The following FTO variants were observed in gnomAD, a reference collection of about 807,000 sequenced individuals.
The protein encoded by FTO is alpha-ketoglutarate-dependent dioxygenase FTO.
In FTO, 47 loss-of-function variants were observed where a neutral mutation model predicts 63.9. The ratio of observed to expected loss-of-function variants is 0.74; its 90% CI spans 0.58 to 0.94. The LOEUF is 0.94. Among genes scored for constraint, FTO ranks in the 40% least tolerant of loss-of-function variants. The probability of loss-of-function intolerance (pLI) is 0.00; values close to 1 mark genes in which losing one functional copy is unlikely to be tolerated. For synonymous variants in FTO, 207 were observed against 224.4 expected, an observed-to-expected ratio of 0.92 and a Z score of 0.69; for missense variants, 562 against 618.1, an observed-to-expected ratio of 0.91 and a Z score of 0.96.
chr16:53,873,789 A>C lies in FTO; in HGVS notation c.899A>C (p.Asp300Ala). Residue 300 changes from aspartate to alanine, a missense_variant, in exon 5 of 9, where the codon GAT becomes GCT. Asp to Ala is a moderately radical substitution (Grantham distance 126). Transcript: ENST00000471389. The part of the protein sequence containing the change: ...HQGDCYFMLD[D>A]LNATHQHCVL... ...ATTTCTGGTGTTTTTCCTGTAGATG[A>C]TCTCAATGCCACCCACCAACACTGT... 6.2e-7 allele frequency: 1 copy of C among 1,612,634 alleles called. No individual in the cohort carries two copies. The highest frequency in any genetic ancestry group is 2.2e-5 in the East Asian group (1 of 44,838).
chr16:54,088,512 A>G (rs1209983090), intron 8 of FTO, among the ~76,000 whole-genome samples: 1 of 152,224 alleles, frequency 6.6e-6, no homozygotes, highest in Non-Finnish European at 1.5e-5. Flanking sequence ...TGACCTGATC[A>G]TTCAAAACAC....
At position 54,015,561 on chromosome 16, in the gene FTO, C is replaced by T. The variant is rs746149463; in HGVS notation, c.1364+81452C>T. The stretch of plus-strand genomic sequence containing the variant: ...CATGGCAAAAGGAAATAAGACGAGT[C>T]GTTTTAAAAGGTAGCTTTGAAAAAC... On this transcript the variant is annotated intron_variant, in intron 8 of 8. Coordinates refer to ENST00000471389, the MANE Select transcript of FTO (RefSeq NM_001080432.3). Among the ~76,000 whole-genome samples the T allele has an allele frequency of 3.9e-5, 6 of 152,140 alleles. No homozygotes were observed. In the South Asian group the frequency reaches 8.3e-4, roughly 21 times the overall value.
At chr16:54,098,854 A>G (rs1567570726) in intron 8 of FTO, among the ~76,000 whole-genome samples, 1 of 152,206 alleles carries the variant, frequency 6.6e-6, no homozygotes, top group Admixed American at 6.5e-5. Context: ...ATTGAACCAC[A>G]TAGTCAAAAA....
chr16:53,919,958 C>G (rs2081969131), intron 7 of FTO, among the ~76,000 whole-genome samples: 1 of 152,138 alleles, frequency 6.6e-6, no homozygotes. Context: ...TAACCAAACA[C>G]CACCTGTTTC....
At chr16:53,911,555 G>A in intron 7 of FTO, 1 of 694,622 alleles carries the variant, frequency 1.4e-6, no homozygotes, top group East Asian at 2.7e-5. Context: ...CTGATCTGAG[G>A]AGACATTTCT....
intron 1 of FTO, among the ~76,000 whole-genome samples, chr16:53,782,458 G>A (rs1208836446): frequency 6.6e-6 from 1 of 152,178 alleles, no homozygotes; most frequent in African/African-American, 2.4e-5. Context: ...ATGTGTAAAT[G>A]TCGAGAGCCA....
intron 4 of FTO, among the ~76,000 whole-genome samples, chr16:53,845,385 A>G (rs2079591429): frequency 1.3e-5 from 2 of 152,150 alleles, no homozygotes; most frequent in Admixed American, 6.5e-5. Context: ...CAGGGGAGAT[A>G]TTGGAGGTGG....
chr16:53,856,408 A>G (rs2079997196), intron 4 of FTO, among the ~76,000 whole-genome samples: 1 of 151,140 alleles, frequency 6.6e-6, no homozygotes, highest in African/African-American at 2.4e-5. Flanking sequence ...AGGACAGCAC[A>G]CAGCCATCCG....
chr16:53,840,797 C>T (rs1420512630), intron 3 of FTO, among the ~76,000 whole-genome samples: 4 of 152,080 alleles, frequency 2.6e-5, no homozygotes, highest in South Asian at 2.1e-4. Context: ...GCAAAGGTCA[C>T]GTCCTTGTCT....
chr16:53,850,336 A>T (rs2388409), intron 4 of FTO, among the ~76,000 whole-genome samples: 29,771 of 147,316 alleles, frequency 0.2, 3,096 homozygotes, highest in East Asian at 0.33. Flanking sequence ...CTTGTGTTCA[A>T]TTTTTTTTTT....
chr16:53,887,953 A>G (rs1013175733), intron 6 of FTO: 6 of 152,170 alleles, frequency 3.9e-5, no homozygotes, highest in Non-Finnish European at 5.9e-5. Flanking sequence ...TAAGAAACTT[A>G]TAATTAATAT....
At chr16:53,789,684 G>T (rs1201481183) in intron 1 of FTO, among the ~76,000 whole-genome samples, 1 of 150,492 alleles carries the variant, frequency 6.6e-6, no homozygotes, top group East Asian at 2.0e-4. Flanking sequence ...AATTGTACCT[G>T]GTTTTTTATT....
chr16:53,955,429 A>G (rs1328447685), intron 8 of FTO, among the ~76,000 whole-genome samples: 1 of 152,150 alleles, frequency 6.6e-6, no homozygotes, highest in African/African-American at 2.4e-5. Flanking sequence ...AGGGGAATGG[A>G]ACTTTTTAGG....
At chr16:53,849,372 G>GA (rs938286831) in intron 4 of FTO, among the ~76,000 whole-genome samples, 2 of 152,216 alleles carry the variant, frequency 1.3e-5, no homozygotes, top group African/African-American at 4.8e-5. Context: ...GAGAACCAGT[G>GA]AGACGACTGG....
intron 4 of FTO, among the ~76,000 whole-genome samples, chr16:53,862,646 C>T (rs1183874009): frequency 6.6e-5 from 10 of 151,534 alleles, no homozygotes; most frequent in African/African-American, 2.4e-4. Context: ...AGCAATTCTC[C>T]TGCCTCTGCC....
At chr16:53,725,899 G>C (rs1390726304) in intron 1 of FTO, among the ~76,000 whole-genome samples, 1 of 152,158 alleles carries the variant, frequency 6.6e-6, no homozygotes, top group African/African-American at 2.4e-5. Flanking sequence ...TTGATGAAAA[G>C]GCTGTAAGAA....
At chr16:53,720,248 T>C (rs1251368335) in intron 1 of FTO, among the ~76,000 whole-genome samples, 1 of 152,186 alleles carries the variant, frequency 6.6e-6, no homozygotes, top group African/African-American at 2.4e-5. Flanking sequence ...CCAATCTCTG[T>C]GATGTTTCAT....
intron 8 of FTO, among the ~76,000 whole-genome samples, chr16:54,103,346 T>G (rs1317491196): frequency 1.3e-5 from 2 of 152,108 alleles, no homozygotes. Context: ...TATATACAAC[T>G]GGAAGTTAAG....
chr16:53,839,642 A>C (rs934039985), intron 3 of FTO, among the ~76,000 whole-genome samples: 1 of 152,122 alleles, frequency 6.6e-6, no homozygotes, highest in Non-Finnish European at 1.5e-5. Flanking sequence ...GAAAGTAGTC[A>C]AGCAGACTGT....
Sources: allele counts gnomAD v4.1 joint callset (sites outside exome capture counted in the v4.1 genomes callset), GRCh38; gene constraint gnomAD v4.1.1; transcripts MANE v1.5; gene names NCBI Gene and HGNC (gene_info 2026-07-23, HGNC 2026-07-21).